The following SND1 variants were observed in gnomAD, a reference collection of about 807,000 sequenced individuals.
The protein encoded by SND1 is staphylococcal nuclease and tudor domain containing 1.
In SND1, 38 loss-of-function variants were observed where a neutral mutation model predicts 121.7. The ratio of observed to expected loss-of-function variants is 0.31; its 90% CI spans 0.24 to 0.41. The LOEUF (loss-of-function observed/expected upper bound fraction) is 0.41. SND1 is among the 10% of genes least tolerant of loss of function. The pLI is 1.00. For synonymous variants in SND1, 401 were observed against 447.4 expected (o/e 0.90, Z 1.31); for missense variants, 868 against 1,184.6 (o/e 0.73, Z 3.92).
At chr7:127,911,932 C>A (rs1800467164) in intron 14 of SND1, among the ~76,000 whole-genome samples, 1 of 152,110 alleles carries the variant, frequency 6.6e-6, no homozygotes, top group African/African-American at 2.4e-5. Context: ...GAAGACATAG[C>A]TTTATTGTGT....
intron 10 of SND1, among the ~76,000 whole-genome samples, chr7:127,746,398 G>A (rs890410501): frequency 1.3e-5 from 2 of 152,154 alleles, no homozygotes; most frequent in African/African-American, 4.8e-5. Flanking sequence ...TAGCTCATGT[G>A]TCCTTACATT....
intron 10 of SND1, among the ~76,000 whole-genome samples, chr7:127,775,157 A>T (rs1584563667): frequency 1.3e-5 from 2 of 152,252 alleles, no homozygotes; most frequent in Admixed American, 1.3e-4. Flanking sequence ...ATTGTCAACA[A>T]GGACCGGAAG....
intron 10 of SND1, among the ~76,000 whole-genome samples, chr7:127,789,193 G>T (rs1026727559): frequency 6.6e-6 from 1 of 152,198 alleles, no homozygotes; most frequent in Admixed American, 6.5e-5. Flanking sequence ...ACTCTACTGG[G>T]TTCTCTGAGC....
At position 127,706,252 on chromosome 7, in the gene SND1, T is replaced by TCCC. The variant is rs796132526; in HGVS notation, c.948-1297_948-1295dup. ...GCATTCTTTAATTTCTTGCCCCCCCTCCCCCCCCCCACCTTTTTTTTTTGA... is the reference window on the plus strand; with the variant it reads ...GCATTCTTTAATTTCTTGCCCCCCCTCCCCCCCCCCCCCACCTTTTTTTTTTGA... On this transcript the variant is annotated intron_variant, in intron 8 of 23. Transcript: ENST00000354725. 4.3e-4 allele frequency among the ~76,000 whole-genome samples: 27 copies of TCCC among 63,054 alleles called. No homozygotes were observed. The East Asian group carries it at 8.9e-3, about 21-fold the overall frequency. The allele number at this position is 63,054 out of a possible 152,430, so 41.4% of individuals were successfully genotyped here. A position where few individuals can be genotyped will look rare whatever the true frequency, so the allele number is the denominator to read the frequency against.
At chr7:127,723,009 A>G (rs1208090799) in intron 10 of SND1, among the ~76,000 whole-genome samples, 1 of 152,218 alleles carries the variant, frequency 6.6e-6, no homozygotes, top group African/African-American at 2.4e-5. Flanking sequence ...TCTGTGCCGT[A>G]CAGTTGGAAT....
intron 20 of SND1, among the ~76,000 whole-genome samples, chr7:128,086,156 G>A (rs373691303): frequency 6.6e-6 from 1 of 152,170 alleles, no homozygotes; most frequent in East Asian, 1.9e-4. Context: ...GCTAATCCCC[G>A]GCACATCCCC....
At chr7:127,963,328 T>C (rs1423147926) in intron 15 of SND1, among the ~76,000 whole-genome samples, 3 of 148,534 alleles carry the variant, frequency 2.0e-5, no homozygotes, top group Admixed American at 2.0e-4. Context: ...TATGTATACA[T>C]GTGCCATGCT....
chr7:127,991,809 C>T (rs559789277), intron 16 of SND1, among the ~76,000 whole-genome samples: 1 of 152,250 alleles, frequency 6.6e-6, no homozygotes, highest in East Asian at 1.9e-4. Context: ...AATGAGTCTT[C>T]GTAGATCTTT....
At chr7:127,798,748 T>C (rs1050226752) in intron 10 of SND1, among the ~76,000 whole-genome samples, 1 of 152,176 alleles carries the variant, frequency 6.6e-6, no homozygotes, top group Admixed American at 6.5e-5. Context: ...TTGCTACTTA[T>C]TTAAAAATTC....
chr7:127,740,166 G>A (rs1166928072), intron 10 of SND1, among the ~76,000 whole-genome samples: 1 of 152,166 alleles, frequency 6.6e-6, no homozygotes, highest in African/African-American at 2.4e-5. Context: ...AACCTCTCCT[G>A]CTGTAAGGGT....
At chr7:127,795,801 G>C (rs1288222684) in intron 10 of SND1, among the ~76,000 whole-genome samples, 1 of 151,998 alleles carries the variant, frequency 6.6e-6, no homozygotes, top group East Asian at 1.9e-4. Flanking sequence ...TTTTGCAGTT[G>C]TACAATGAGA....
At chr7:127,909,369 T>TCACATAGC (rs1443701761) in intron 14 of SND1, among the ~76,000 whole-genome samples, 1 of 152,154 alleles carries the variant, frequency 6.6e-6, no homozygotes, top group African/African-American at 2.4e-5. Flanking sequence ...CATGGCTTGG[T>TCACATAGC]TTCATGCTCA....
chr7:127,882,266 T>TA (rs1445219426), intron 12 of SND1, among the ~76,000 whole-genome samples: 6 of 150,306 alleles, frequency 4.0e-5, no homozygotes, highest in Admixed American at 1.3e-4. Context: ...TTATATATGT[T>TA]AAAAAAAGGA....
At position 128,044,564 on chromosome 7, in the gene SND1, GA is replaced by G. The variant is rs375743025; in HGVS notation, c.1780-29931del. ...CTGAAATCATTGTTTTTACAATAAA[GA>G]AAAAAATCAAAAAGTGTTTAAAATA... On this transcript the variant is annotated intron_variant, in intron 16 of 23. Coordinates refer to ENST00000354725, the MANE Select transcript of SND1 (RefSeq NM_014390.4). Among the ~76,000 whole-genome samples the G allele has an allele frequency of 7.4e-3, 1,123 of 151,676 alleles. 18 individuals are homozygous for G. The highest frequency in any genetic ancestry group is 0.031 in the South Asian group (147 of 4,790).
At chr7:127,923,390 C>T (rs1800760131) in intron 14 of SND1, among the ~76,000 whole-genome samples, 1 of 152,108 alleles carries the variant, frequency 6.6e-6, no homozygotes, top group South Asian at 2.1e-4. Flanking sequence ...ACTTGCAATT[C>T]ACTGAAGTTT....
At chr7:127,686,537 A>G (rs1021140100) in intron 1 of SND1, 76 bp from the exon 2 acceptor site, 1 of 1,470,790 alleles carries the variant, frequency 6.8e-7, no homozygotes, top group Non-Finnish European at 9.3e-7. Flanking sequence ...AATGTTGGGG[A>G]TACGGTGGTA....
intron 10 of SND1, among the ~76,000 whole-genome samples, chr7:127,749,774 G>GT (rs1268929403): frequency 6.6e-6 from 1 of 152,230 alleles, no homozygotes; most frequent in Non-Finnish European, 1.5e-5. Flanking sequence ...CTTCAAACAT[G>GT]TAGAGTGGTA....
chr7:127,687,757 C>T (rs959533464), intron 2 of SND1, among the ~76,000 whole-genome samples: 2 of 152,128 alleles, frequency 1.3e-5, no homozygotes, highest in African/African-American at 2.4e-5. Context: ...AATCATGGCT[C>T]ACTGTAGTCT....
intron 11 of SND1, among the ~76,000 whole-genome samples, chr7:127,834,418 T>C (rs1798827609): frequency 6.6e-6 from 1 of 152,208 alleles, no homozygotes; most frequent in Admixed American, 6.5e-5. Context: ...GTTGGTTGTG[T>C]GCCTGTTCAC....
Sources: allele counts gnomAD v4.1 joint callset (sites outside exome capture counted in the v4.1 genomes callset), GRCh38; gene constraint gnomAD v4.1.1; transcripts MANE v1.5; gene names NCBI Gene and HGNC (gene_info 2026-07-23, HGNC 2026-07-21).